The following SNX30 variants were observed in gnomAD, a reference collection of about 807,000 sequenced individuals.
The protein encoded by SNX30 is sorting nexin-30.
In SNX30, 24 loss-of-function variants were observed where a neutral mutation model predicts 46.4. The ratio of observed to expected loss-of-function variants is 0.52; its 90% confidence interval spans 0.37 to 0.73. The LOEUF (loss-of-function observed/expected upper bound fraction) is 0.73, where lower values mean the gene tolerates loss of function less well. SNX30 is among the 30% of genes least tolerant of loss of function. The pLI is 0.00. For missense variants in SNX30, 533 were observed against 555.7 expected (o/e 0.96, Z 0.41); for synonymous variants, 189 against 211.5 (o/e 0.89, Z 0.92).
At chr9:112,862,976 C>T (rs1841261331) in intron 7 of SNX30, among the ~76,000 whole-genome samples, 2 of 152,128 alleles carry the variant, frequency 1.3e-5, no homozygotes, top group African/African-American at 4.8e-5. Context: ...TCTCTCTCTC[C>T]AGCTCATCCT....
At chr9:112,832,463 T>A (rs61661377) in intron 4 of SNX30, among the ~76,000 whole-genome samples, 5,148 of 64,780 alleles carry the variant, frequency 0.079, 99 homozygotes, top group Admixed American at 0.094. Flanking sequence ...AGAGAGAGTG[T>A]GTGTGTGTGT....
Position 112,830,809 on chromosome 9 carries a change from A to G in SNX30, c.544A>G (p.Lys182Glu). 6.2e-7 allele frequency: 1 copy of G among 1,614,072 alleles called. No homozygotes were observed. Among genetic ancestry groups the G allele is most frequent in the Non-Finnish European group, 8.5e-7 (1 of 1,179,990 alleles). The change falls in exon 4 of 9, where the codon AAA becomes GAA. Residue 182 changes from lysine (K) to glutamate (E), a missense_variant. Physicochemically the swap from Lys to Glu is moderately conservative, Grantham distance 56. Coordinates refer to ENST00000374232, the MANE Select transcript of SNX30 (RefSeq NM_001012994.2). ...FVETRRKALD[K>E]FLKRITDHPV... ...GGAGACCAGAAGAAAAGCTTTGGAT[A>G]AATTTCTAAAAAGAATTACGGACCA... is the stretch of plus-strand genomic sequence containing the variant.
chr9:112,882,449 A>G (rs1841591601), downstream of SNX30, among the ~76,000 whole-genome samples: 2 of 152,166 alleles, frequency 1.3e-5, no homozygotes, highest in South Asian at 4.1e-4. Flanking sequence ...AGCCAAGTGC[A>G]GGGCTTTCAG....
In SNX30 at chr9:112,817,731, A is replaced by G. The variant is rs1441506802; in HGVS notation, c.375A>G (p.Pro125=). 3 of 1,612,682 alleles carry G rather than the reference A, an allele frequency of 1.9e-6. No individual in the cohort carries two copies. The highest frequency in any genetic ancestry group is 1.6e-4 in the Middle Eastern group (1 of 6,084). ...TKSTRVEFDL[P]EYSVRRRYQD... is the part of the protein sequence containing the mutation. Reference sequence around the variant, plus strand: ...GTACTCGGGTGGAGTTTGACCTGCCAGAATATTCTGTTCGTCGAAGATACC... The same window carrying G: ...GTACTCGGGTGGAGTTTGACCTGCCGGAATATTCTGTTCGTCGAAGATACC... The change falls in exon 3 of 9, where the codon CCA becomes CCG. Residue 125 remains proline (P), a synonymous_variant. Coordinates refer to ENST00000374232, the MANE Select transcript of SNX30 (RefSeq NM_001012994.2).
At chr9:112,753,580 G>T (rs568034220) in intron 1 of SNX30, among the ~76,000 whole-genome samples, 10 of 152,184 alleles carry the variant, frequency 6.6e-5, no homozygotes, top group African/African-American at 2.4e-4. Context: ...ACGAGGTTTC[G>T]CCATGTTGGC....
intron 3 of SNX30, among the ~76,000 whole-genome samples, chr9:112,819,441 A>G (rs1020915194): frequency 6.6e-6 from 1 of 151,554 alleles, no homozygotes; most frequent in African/African-American, 2.4e-5. Flanking sequence ...TAATTTTTGT[A>G]TTTTTAGTGG....
At chr9:112,814,004 T>G (rs1181347645) in intron 2 of SNX30, among the ~76,000 whole-genome samples, 3 of 152,198 alleles carry the variant, frequency 2.0e-5, no homozygotes, top group Non-Finnish European at 4.4e-5. Flanking sequence ...AAGCAGTGAT[T>G]AGACATAACT....
intron 1 of SNX30, among the ~76,000 whole-genome samples, chr9:112,752,565 G>A (rs1183992757): frequency 2.0e-5 from 3 of 152,160 alleles, no homozygotes; most frequent in South Asian, 2.1e-4. Context: ...TGATTGCACC[G>A]CTGTACTCCA....
Position 112,870,259 on chromosome 9 carries a change from C to T in SNX30, c.*1416C>T, listed in dbSNP as rs1841425152. ...CCTGTAAAACTACGAATCTGAGCCT[C>T]AAATAAGCAGTAGTTTTTTTGTTGT... is the stretch of plus-strand genomic sequence containing the variant. On this transcript the variant is annotated 3_prime_UTR_variant, in exon 9 of 9. Coordinates refer to ENST00000374232, the MANE Select transcript of SNX30 (RefSeq NM_001012994.2). The T allele has an allele frequency of 6.6e-6, 1 of 152,112 alleles. No homozygotes were observed. The highest frequency in any genetic ancestry group is 1.9e-4 in the East Asian group (1 of 5,200). The allele number at this position is 152,112 out of a possible 1,614,324, so 9.4% of individuals were successfully genotyped here.
In SNX30 at chr9:112,834,469, A is replaced by G. The variant is rs114862890; in HGVS notation, c.619-1745A>G. On this transcript the variant is annotated intron_variant, in intron 4 of 8. Coordinates refer to ENST00000374232, the MANE Select transcript of SNX30 (RefSeq NM_001012994.2). ...TATTATAAATGATATCACAAAGGAT[A>G]CAGATGAAGAGTTGCATTGGGCGAG... Among the ~76,000 whole-genome samples, 1,131 of 152,306 alleles carry G rather than the reference A, an allele frequency of 7.4e-3. 16 individuals carry two copies. The highest frequency in any genetic ancestry group is 0.025 in the African/African-American group (1,057 of 41,570).
At chr9:112,787,187 A>G (rs576855910) in intron 1 of SNX30, among the ~76,000 whole-genome samples, 42 of 152,362 alleles carry the variant, frequency 2.8e-4, no homozygotes, top group African/African-American at 8.2e-4. Flanking sequence ...GTTCCACGGA[A>G]AAACATCTCT....
At chr9:112,837,793 C>G (rs1475703746) in intron 5 of SNX30, among the ~76,000 whole-genome samples, 1 of 150,598 alleles carries the variant, frequency 6.6e-6, no homozygotes, top group African/African-American at 2.4e-5. Context: ...TATTTTTTAA[C>G]CTTTAAAAAC....
chr9:112,810,264 G>A (rs929894121), intron 2 of SNX30, among the ~76,000 whole-genome samples: 2 of 152,138 alleles, frequency 1.3e-5, no homozygotes, highest in South Asian at 2.1e-4. Context: ...AAGGGTGCCT[G>A]GCAATGTTGG....
intron 3 of SNX30, among the ~76,000 whole-genome samples, chr9:112,829,371 A>G (rs1197403837): frequency 6.6e-6 from 1 of 152,204 alleles, no homozygotes; most frequent in Non-Finnish European, 1.5e-5. Context: ...TTGCCAGCCT[A>G]AGCTATCCTC....
rs1476357233 is a variant in SNX30, at chr9:112,872,074, T to C, written c.*3231T>C. On this transcript the variant is annotated 3_prime_UTR_variant, in exon 9 of 9. Coordinates refer to ENST00000374232, the MANE Select transcript of SNX30 (RefSeq NM_001012994.2). ...ATAAACCAGCATGACCTGGAGATCA[T>C]GGTGACTGTAAGCTAAGTCTGTTTT... 2 of 152,196 alleles carry C rather than the reference T, an allele frequency of 1.3e-5. No individual in the cohort carries two copies. The highest frequency in any genetic ancestry group is 2.9e-5 in the Non-Finnish European group (2 of 68,036). 9.4% of individuals were successfully genotyped at this position (152,196 alleles called of 1,614,324 possible). A position where few individuals can be genotyped will look rare whatever the true frequency, so the allele number is the denominator to read the frequency against.
chr9:112,773,032 C>T (rs1839676841), intron 1 of SNX30, among the ~76,000 whole-genome samples: 1 of 152,184 alleles, frequency 6.6e-6, no homozygotes, highest in East Asian at 1.9e-4. Flanking sequence ...ATGAATAAAG[C>T]ATACTTACCA....
downstream of SNX30, among the ~76,000 whole-genome samples, chr9:112,876,703 G>C (rs780143019): frequency 1.3e-5 from 2 of 151,882 alleles, no homozygotes; most frequent in Non-Finnish European, 2.9e-5. Flanking sequence ...TTGGGAGGTC[G>C]AGGCAGGTGG....
chr9:112,875,112 C>T (rs1024569203), downstream of SNX30: 4 of 152,052 alleles, frequency 2.6e-5, no homozygotes, highest in African/African-American at 4.8e-5. Context: ...ACATACAGAG[C>T]GACAGGAAAA....
chr9:112,836,110 G>A (rs1047784818), intron 4 of SNX30, 104 bp from the exon 5 acceptor site: 21 of 1,118,608 alleles, frequency 1.9e-5, no homozygotes, highest in South Asian at 1.5e-4. Context: ...CTTGTTTCCC[G>A]AGTTCTCCAT....
Sources: gnomAD v4.1 joint callset for allele counts (sites outside exome capture counted in the v4.1 genomes callset) on GRCh38, gnomAD v4.1.1 for gene constraint, MANE v1.5 for transcripts, NCBI Gene and HGNC (gene_info 2026-07-23, HGNC 2026-07-21) for gene names.